The following TBC1D32 variants were observed in gnomAD, a reference collection of about 807,000 sequenced individuals.
TBC1D32 encodes TBC1 domain family member 32, also known as protein broad-minded.
A neutral mutation model predicts 170.3 loss-of-function variants in TBC1D32; 151 were observed. The observed-to-expected ratio is 0.89, with a 90% CI of 0.78 to 1.01. The LOEUF (loss-of-function observed/expected upper bound fraction) is 1.01, where lower values mean the gene tolerates loss of function less well. Among genes scored for constraint, TBC1D32 ranks in the 50% least tolerant of loss-of-function variants. The probability of loss-of-function intolerance (pLI) is 0.00; values close to 1 mark genes in which losing one functional copy is unlikely to be tolerated. For synonymous variants in TBC1D32, 498 were observed against 488.0 expected, an observed-to-expected ratio of 1.02 and a Z score of -0.27; for missense variants, 1,464 against 1,457.1, an observed-to-expected ratio of 1.00 and a Z score of -0.08.
intron 20 of TBC1D32, 128 bp from the exon 21 acceptor site, chr6:121,223,480 C>T (rs183954066): frequency 3.2e-5 from 22 of 685,420 alleles, no homozygotes; most frequent in Middle Eastern, 4.9e-4. Context: ...AATTCCCATA[C>T]GTTTGAAATA....
chr6:121,300,694 C>A (rs1165899934), intron 9 of TBC1D32, among the ~76,000 whole-genome samples: 1 of 152,104 alleles, frequency 6.6e-6, no homozygotes. Context: ...CAAATGGGAC[C>A]TGATTAAACT....
chr6:121,103,703 T>C (rs1260291963), intron 30 of TBC1D32, among the ~76,000 whole-genome samples: 2 of 151,982 alleles, frequency 1.3e-5, no homozygotes, highest in Non-Finnish European at 2.9e-5. Context: ...CTGCACGTTG[T>C]GCACATGTAC....
At chr6:121,274,512 G>GAA (rs199812961) in intron 15 of TBC1D32, among the ~76,000 whole-genome samples, 4,749 of 139,624 alleles carry the variant, frequency 0.034, 177 homozygotes, top group East Asian at 0.12. Flanking sequence ...TAGAATTTCA[G>GAA]AAAAAAAAAA....
At chr6:121,179,013 T>C (rs557639544) in intron 22 of TBC1D32, among the ~76,000 whole-genome samples, 3 of 152,250 alleles carry the variant, frequency 2.0e-5, no homozygotes, top group East Asian at 3.9e-4. Flanking sequence ...AAAACTGAGA[T>C]AGTAAACAGG....
At chr6:121,256,375 CT>C in intron 15 of TBC1D32, 90 bp from the exon 16 acceptor site, 1 of 1,071,242 alleles carries the variant, frequency 9.3e-7, no homozygotes, top group Non-Finnish European at 1.3e-6. Flanking sequence ...GTCACAAAAA[CT>C]TAGTCCTCCT....
At chr6:121,254,196 CA>C (rs1201539943) in intron 17 of TBC1D32, among the ~76,000 whole-genome samples, 1 of 152,038 alleles carries the variant, frequency 6.6e-6, no homozygotes, top group Non-Finnish European at 1.5e-5. Context: ...TCTGAGGATG[CA>C]AAGGCATAAG....
chr6:121,214,361 G>C (rs1793540867), intron 21 of TBC1D32, among the ~76,000 whole-genome samples: 1 of 152,190 alleles, frequency 6.6e-6, no homozygotes, highest in Admixed American at 6.5e-5. Flanking sequence ...GCTGTGCTCA[G>C]CTCATGCTAC....
intron 15 of TBC1D32, among the ~76,000 whole-genome samples, chr6:121,275,522 T>A (rs1392015341): frequency 1.3e-5 from 2 of 152,142 alleles, no homozygotes; most frequent in Non-Finnish European, 2.9e-5. Context: ...ACATGAAATA[T>A]GAATCAAATA....
Position 121,239,097 on chromosome 6 carries a change from C to T in TBC1D32, c.2337G>A (p.Val779=). 6.3e-7 allele frequency: 1 copy of T among 1,599,008 alleles called. No individual in the cohort carries two copies. The highest frequency in any genetic ancestry group is 8.6e-7 in the Non-Finnish European group (1 of 1,169,330). The change falls in exon 20 of 32, where the codon GTG becomes GTA. Residue 779 remains valine, a synonymous_variant. Coordinates refer to ENST00000398212, the MANE Select transcript of TBC1D32 (RefSeq NM_152730.6). ...TTTGACAGCTTCGGTCAATAGGATC[C>T]ACTGGAGTAGTTCTGGGATGGGTTA... The part of the protein sequence containing the change: ...VRVTHPRTTP[V]DPIDRSCQKS...
intron 24 of TBC1D32, among the ~76,000 whole-genome samples, chr6:121,154,179 G>C (rs1396794240): frequency 6.6e-6 from 1 of 152,170 alleles, no homozygotes; most frequent in Admixed American, 6.5e-5. Context: ...GAAAAGCGTA[G>C]TACCTGGACT....
intron 17 of TBC1D32, among the ~76,000 whole-genome samples, chr6:121,242,843 A>C (rs939342162): frequency 6.6e-6 from 1 of 152,090 alleles, no homozygotes; most frequent in Non-Finnish European, 1.5e-5. Flanking sequence ...TATAAGAAAG[A>C]TCAACATATA....
chr6:121,103,188 G>A (rs1412284501), intron 30 of TBC1D32, among the ~76,000 whole-genome samples: 4 of 152,032 alleles, frequency 2.6e-5, no homozygotes, highest in Non-Finnish European at 2.9e-5. Flanking sequence ...ATTCCTCAAC[G>A]ATCTAGAACT....
intron 22 of TBC1D32, among the ~76,000 whole-genome samples, chr6:121,201,985 G>T (rs1791628827): frequency 6.6e-6 from 1 of 151,064 alleles, no homozygotes; most frequent in Admixed American, 6.6e-5. Flanking sequence ...TATTTTGTTT[G>T]TTTTTGTAGA....
chr6:121,285,276 A>C (rs1803621582), intron 12 of TBC1D32, among the ~76,000 whole-genome samples: 1 of 152,216 alleles, frequency 6.6e-6, no homozygotes, highest in South Asian at 2.1e-4. Context: ...AAGCAAAATC[A>C]AAGGGCAAAA....
chr6:121,180,422 T>C (rs1344281595), intron 22 of TBC1D32, among the ~76,000 whole-genome samples: 1 of 151,944 alleles, frequency 6.6e-6, no homozygotes, highest in Non-Finnish European at 1.5e-5. Context: ...CGGAACAGAA[T>C]GAAGAACCCA....
rs924519951 is a variant in TBC1D32, at chr6:121,112,963, G to A, written c.3169+99C>T. 3 of 840,618 alleles carry A rather than the reference G, an allele frequency of 3.6e-6. No individual in the cohort carries two copies. The African/African-American group carries it at 5.2e-5, about 15-fold the overall frequency. 52.1% of individuals were successfully genotyped at this position (840,618 alleles called of 1,614,324 possible). ...TAACAAATCACTAATATAGCTTAAA[G>A]TACTACTTTACTATAAATGTGTCAA... On this transcript the variant is annotated intron_variant, in intron 28 of 31. Transcript: ENST00000398212.
intron 9 of TBC1D32, among the ~76,000 whole-genome samples, chr6:121,300,471 A>C (rs2128474477): frequency 6.6e-6 from 1 of 152,178 alleles, no homozygotes; most frequent in African/African-American, 2.4e-5. Context: ...AGCTTTGACA[A>C]ACCTAACAAA....
At chr6:121,276,292 C>T (rs1280253176) in intron 15 of TBC1D32, among the ~76,000 whole-genome samples, 3 of 151,902 alleles carry the variant, frequency 2.0e-5, no homozygotes, top group Admixed American at 1.3e-4. Context: ...AAGGTCATTG[C>T]GCTAGATGTT....
chr6:121,126,598 G>C (rs930965658), intron 25 of TBC1D32, 137 bp from the exon 26 acceptor site: 1 of 554,318 alleles, frequency 1.8e-6, no homozygotes, highest in Non-Finnish European at 3.2e-6. Context: ...ATTCAAATGC[G>C]TACTGTTTTA....
Sources: allele counts gnomAD v4.1 joint callset (sites outside exome capture counted in the v4.1 genomes callset), GRCh38; gene constraint gnomAD v4.1.1; transcripts MANE v1.5; gene names NCBI Gene and HGNC (gene_info 2026-07-23, HGNC 2026-07-21).